SUFU: variants seen among roughly 807,000 people sequenced by gnomAD.
SUFU encodes the protein suppressor of fused homolog.
In SUFU, 7 loss-of-function variants were observed where a neutral mutation model predicts 58.9. The ratio of observed to expected loss-of-function variants is 0.12; its 90% CI spans 0.07 to 0.22. The LOEUF is 0.22. SUFU is among the 10% of genes least tolerant of loss of function. The probability of loss-of-function intolerance (pLI) is 1.00; values close to 1 mark genes in which losing one functional copy is unlikely to be tolerated. For synonymous variants in SUFU, 232 were observed against 254.8 expected (o/e 0.91, Z 0.85); for missense variants, 451 against 641.3 (o/e 0.70, Z 3.20).
intron 3 of SUFU, chr10:102,579,932 C>G: frequency 7.9e-6 from 7 of 884,282 alleles, no homozygotes; most frequent in Non-Finnish European, 9.5e-6. Flanking sequence ...TGGTCACCAT[C>G]TGCGCCATTT....
intron 2 of SUFU, among the ~76,000 whole-genome samples, chr10:102,545,063 T>A (rs1230818849): frequency 2.0e-5 from 3 of 152,194 alleles, no homozygotes; most frequent in African/African-American, 7.2e-5. Flanking sequence ...CTATGAATAA[T>A]GCTACTATGA....
At chr10:102,556,753 AAGGG>A (rs1386047683) in intron 3 of SUFU, among the ~76,000 whole-genome samples, 4 of 128,274 alleles carry the variant, frequency 3.1e-5, no homozygotes, top group Admixed American at 2.4e-4. Context: ...AAAAAAAAGG[AAGGG>A]AGGGAGGAAG....
intron 2 of SUFU, among the ~76,000 whole-genome samples, chr10:102,546,047 C>A (rs1284718257): frequency 6.6e-6 from 1 of 152,238 alleles, no homozygotes; most frequent in African/African-American, 2.4e-5. Context: ...TGGATGCTCA[C>A]TGATACCTTC....
intron 3 of SUFU, among the ~76,000 whole-genome samples, chr10:102,551,424 G>A (rs920167301): frequency 1.3e-5 from 2 of 152,056 alleles, no homozygotes; most frequent in Non-Finnish European, 2.9e-5. Context: ...GATCACCTGA[G>A]GTCAGGAGTT....
At chr10:102,618,981 A>AGTGTGTGTGTGTGT (rs1384030328) in intron 10 of SUFU, 1 of 762,086 alleles carries the variant, frequency 1.3e-6, no homozygotes, top group African/African-American at 2.9e-5. Flanking sequence ...TGTGTGTGTA[A>AGTGTGTGTGTGTGT]TGTTCAAGCA....
Position 102,504,478 on chromosome 10 carries a change from G to C in SUFU, c.182+144G>C. 2.0e-6 allele frequency: 3 copies of C among 1,491,076 alleles called. No homozygotes were observed. In the South Asian group the frequency reaches 3.9e-5, roughly 19 times the overall value. The allele number at this position is 1,491,076 out of a possible 1,614,324, so 92.4% of individuals were successfully genotyped here. On this transcript the variant is annotated intron_variant, in intron 1 of 11. Coordinates refer to ENST00000369902, the MANE Select transcript of SUFU (RefSeq NM_016169.4). Reference sequence around the variant, plus strand: ...GGAGGGCTTCTTGCTGCGAGGGAAGGAGTTAAGGCTCAAGTTGGGAATGGG... The same window carrying C: ...GGAGGGCTTCTTGCTGCGAGGGAAGCAGTTAAGGCTCAAGTTGGGAATGGG...
chr10:102,600,781 G>C (rs2063508303), intron 8 of SUFU, among the ~76,000 whole-genome samples: 1 of 152,186 alleles, frequency 6.6e-6, no homozygotes, highest in African/African-American at 2.4e-5. Flanking sequence ...AGTTACTCTG[G>C]GAACAGGGCT....
In SUFU at chr10:102,617,299, C is replaced by G. The variant is rs2063696761; in HGVS notation, c.1167C>G (p.Leu389=). The G allele has an allele frequency of 6.2e-7, 1 of 1,614,230 alleles. No homozygotes were observed. Among genetic ancestry groups the G allele is most frequent in the Non-Finnish European group, 8.5e-7 (1 of 1,180,040 alleles). Residue 389 remains leucine, a synonymous_variant, in exon 10 of 12, where the codon CTC becomes CTG. Transcript: ENST00000369902. This position sits in a 1 kb window ranked among gnomAD's most constrained non-coding sequence, Gnocchi z 4.4. ...ALIPLCLRGR[L]LHGRHFTYKS... ...ATGTTCCCATCTCCAGGGGCAGGCT[C>G]CTGCATGGACGGCACTTTACATATA...
chr10:102,533,075 C>T (rs1323994059), intron 2 of SUFU, among the ~76,000 whole-genome samples: 2 of 152,106 alleles, frequency 1.3e-5, no homozygotes. Flanking sequence ...GCAGAGTTGC[C>T]AGAACTCACT....
chr10:102,569,035 T>C (rs1188420344), intron 3 of SUFU, among the ~76,000 whole-genome samples: 3 of 148,462 alleles, frequency 2.0e-5, no homozygotes, highest in African/African-American at 7.5e-5. Flanking sequence ...CTAGGATAAA[T>C]AGACCCCTCT....
At chr10:102,582,250 C>T (rs540876361) in intron 3 of SUFU, among the ~76,000 whole-genome samples, 3 of 152,220 alleles carry the variant, frequency 2.0e-5, no homozygotes, top group South Asian at 4.1e-4. Flanking sequence ...TAGAACATCA[C>T]GGGGCCTGTA....
chr10:102,541,406 TC>T (rs56691969), intron 2 of SUFU, among the ~76,000 whole-genome samples: 138,987 of 140,844 alleles, frequency 0.99, 68,567 homozygotes, highest in South Asian at 0.99. Flanking sequence ...TTTCTTTCTT[TC>T]TTTTTTTTTG....
At chr10:102,580,351 C>T (rs865926968) in intron 3 of SUFU, among the ~76,000 whole-genome samples, 28 of 152,116 alleles carry the variant, frequency 1.8e-4, no homozygotes, top group African/African-American at 6.3e-4. Context: ...TTTGCTCCTA[C>T]GCTGTTTATA....
chr10:102,620,865 G>A (rs2063734125), intron 10 of SUFU, among the ~76,000 whole-genome samples: 1 of 152,234 alleles, frequency 6.6e-6, no homozygotes, highest in Non-Finnish European at 1.5e-5. Context: ...AGGGGGATAA[G>A]TCTCAGCCCC....
intron 3 of SUFU, chr10:102,579,827 A>C (rs2063254643): frequency 1.1e-5 from 11 of 985,418 alleles, no homozygotes; most frequent in Non-Finnish European, 1.3e-5. Flanking sequence ...TTTTCAAGTG[A>C]TAAAACTGCA....
chr10:102,537,534 T>C (rs1188360618), intron 2 of SUFU, among the ~76,000 whole-genome samples: 2 of 152,232 alleles, frequency 1.3e-5, no homozygotes, highest in Non-Finnish European at 2.9e-5. Context: ...AGAAACACTC[T>C]GTACCCCTTA....
chr10:102,515,291 T>C (rs945866498), intron 2 of SUFU, among the ~76,000 whole-genome samples: 10 of 151,226 alleles, frequency 6.6e-5, no homozygotes, highest in Non-Finnish European at 1.2e-4. Context: ...TAATTTTTCC[T>C]CCTCAAAGCT....
Position 102,630,291 on chromosome 10 carries a change from CCCAGT to C in SUFU, c.*137_*141del. On this transcript the variant is annotated 3_prime_UTR_variant, in exon 12 of 12. Transcript: ENST00000369902. The stretch of plus-strand genomic sequence containing the variant: ...AAGACTGCGCAGTGCCACCCCGCAG[CCCAGT>C]GGGGTGCCATGCACAGGCCACAGGC... 7.5e-6 allele frequency: 6 copies of C among 798,926 alleles called. No homozygotes were observed. The highest frequency in any genetic ancestry group is 1.0e-5 in the Non-Finnish European group (5 of 478,620). 49.5% of individuals were successfully genotyped at this position (798,926 alleles called of 1,614,324 possible). A position where few individuals can be genotyped will look rare whatever the true frequency, so the allele number is the denominator to read the frequency against.
At chr10:102,623,100 C>T (rs368531907) in intron 10 of SUFU, among the ~76,000 whole-genome samples, 3 of 151,968 alleles carry the variant, frequency 2.0e-5, no homozygotes, top group East Asian at 3.8e-4. Context: ...CAGAAGCTTC[C>T]CAGGGGAGTG....
Sources: allele counts gnomAD v4.1 joint callset (sites outside exome capture counted in the v4.1 genomes callset), GRCh38; gene constraint gnomAD v4.1.1; non-coding constraint Gnocchi (gnomAD v3.1); transcripts MANE v1.5; gene names NCBI Gene and HGNC (gene_info 2026-07-23, HGNC 2026-07-21).